The following TPCN1 variants were observed in gnomAD, a reference collection of about 807,000 sequenced individuals.
TPCN1 encodes the protein two pore segment channel 1.
A neutral mutation model predicts 108.8 loss-of-function variants in TPCN1; 52 were observed. That is an observed-to-expected ratio of 0.48 (90% CI 0.38 to 0.60). The LOEUF (loss-of-function observed/expected upper bound fraction) is 0.60. Among genes scored for constraint, TPCN1 ranks in the 20% least tolerant of loss-of-function variants. The pLI is 0.00. For synonymous variants in TPCN1, 446 were observed against 433.7 expected, an observed-to-expected ratio of 1.03 and a Z score of -0.35; for missense variants, 806 against 1,072.8, an observed-to-expected ratio of 0.75 and a Z score of 3.47.
At chr12:113,281,158 A>T (rs896554597) in intron 15 of TPCN1, among the ~76,000 whole-genome samples, 1 of 151,754 alleles carries the variant, frequency 6.6e-6, no homozygotes, top group Non-Finnish European at 1.5e-5. Context: ...CTCCTGTCTC[A>T]CTCACCTGAG....
chr12:113,286,721 A>C (rs879161048), intron 18 of TPCN1, among the ~76,000 whole-genome samples: 1 of 152,152 alleles, frequency 6.6e-6, no homozygotes, highest in Non-Finnish European at 1.5e-5. Flanking sequence ...TTAGACCAGC[A>C]TGGGGCCCTT....
intron 2 of TPCN1, among the ~76,000 whole-genome samples, chr12:113,233,543 G>A (rs964523446): frequency 1.3e-5 from 2 of 152,264 alleles, no homozygotes; most frequent in African/African-American, 4.8e-5. Context: ...TGCTCCAGGA[G>A]CCCTGGGTGG....
At chr12:113,275,577 CTTT>C (rs527980636) in intron 10 of TPCN1, among the ~76,000 whole-genome samples, 1 of 140,222 alleles carries the variant, frequency 7.1e-6, no homozygotes, top group Non-Finnish European at 1.6e-5. Flanking sequence ...AAAATATTTC[CTTT>C]TTTTTTTTTT....
chr12:113,247,879 A>G (rs1954461735), intron 2 of TPCN1, among the ~76,000 whole-genome samples: 1 of 152,104 alleles, frequency 6.6e-6, no homozygotes, highest in African/African-American at 2.4e-5. Flanking sequence ...GCCTTTTGGG[A>G]CCACATGAGC....
chr12:113,277,123 T>A, intron 11 of TPCN1, 88 bp downstream of exon 11: 1 of 1,598,930 alleles, frequency 6.3e-7, no homozygotes, highest in South Asian at 1.1e-5. Flanking sequence ...GCCAGCCACT[T>A]TAGAAACCAG....
chr12:113,236,024 C>T (rs375501842), intron 2 of TPCN1, among the ~76,000 whole-genome samples: 2 of 152,304 alleles, frequency 1.3e-5, no homozygotes, highest in African/African-American at 4.8e-5. Flanking sequence ...GTCTCCTTGC[C>T]TGCACTCCTA....
rs1279988781 is a variant in TPCN1, at chr12:113,266,551, GTC to G, written c.414+201_414+202del. On this transcript the variant is annotated intron_variant, in intron 4 of 27. Coordinates refer to ENST00000335509, the MANE Select transcript of TPCN1 (RefSeq NM_017901.6). The surrounding 1 kb of genome is among the most constrained non-coding windows in gnomAD (Gnocchi z 4.2). ...TGCTGGAGTGAATGGCCTTCACCCA[GTC>G]TCTCTGGGATTCTGCCCACCAGTAA... Among the ~76,000 whole-genome samples the G allele has an allele frequency of 6.6e-6, 1 of 152,222 alleles. No homozygotes were observed. The highest frequency in any genetic ancestry group is 1.5e-5 in the Non-Finnish European group (1 of 68,030).
At chr12:113,278,691 A>C in intron 13 of TPCN1, 81 bp from the exon 14 acceptor site, 1 of 1,176,978 alleles carries the variant, frequency 8.5e-7, no homozygotes, top group East Asian at 2.3e-5. Flanking sequence ...GTGAACAGGA[A>C]AGGAAGCCAG....
rs773151022 is a variant in TPCN1 at position 113,277,284 on chromosome 12, C to T, written c.1104C>T (p.Arg368=). The change falls in exon 12 of 28, where the codon CGC becomes CGT. Residue 368 remains arginine (R), a synonymous_variant. Coordinates refer to ENST00000335509, the MANE Select transcript of TPCN1 (RefSeq NM_017901.6). ...ISYRQFEGLM[R]FYKPRMSARE... Reference sequence around the variant, plus strand: ...ACAGGCAGTTTGAAGGCCTCATGCGCTTCTACAAGCCCCGGATGAGTGCCA... The same window carrying T: ...ACAGGCAGTTTGAAGGCCTCATGCGTTTCTACAAGCCCCGGATGAGTGCCA... The T allele has an allele frequency of 6.2e-7, 1 of 1,614,140 alleles. No homozygotes were observed. The highest frequency in any genetic ancestry group is 8.5e-7 in the Non-Finnish European group (1 of 1,179,998).
chr12:113,266,379 C>T lies in TPCN1; in HGVS notation c.414+23C>T, dbSNP rs372335512. 74 of 1,599,120 alleles carry T rather than the reference C, an allele frequency of 4.6e-5. No homozygotes were observed. Among genetic ancestry groups the T allele is most frequent in the Middle Eastern group, 1.7e-4 (1 of 6,052 alleles). On this transcript the variant is annotated intron_variant, in intron 4 of 27. Coordinates refer to ENST00000335509, the MANE Select transcript of TPCN1 (RefSeq NM_017901.6). This position sits in a 1 kb window ranked among gnomAD's most constrained non-coding sequence, Gnocchi z 4.2. ...TATGTGAGCGCACATGCTCCTCATA[C>T]GGGGGGCTGGGAGCCACGGCTTTCA...
At chr12:113,230,267 C>T (rs1367611195) in intron 2 of TPCN1, among the ~76,000 whole-genome samples, 1 of 151,314 alleles carries the variant, frequency 6.6e-6, no homozygotes, top group Non-Finnish European at 1.5e-5. Flanking sequence ...CCTACTAGGC[C>T]CTGAGATCCA....
chr12:113,225,763 C>T (rs1953447410), intron 1 of TPCN1, among the ~76,000 whole-genome samples: 1 of 151,898 alleles, frequency 6.6e-6, no homozygotes, highest in Non-Finnish European at 1.5e-5. Context: ...ACCATGTTGG[C>T]CAGGCTGCTC....
chr12:113,281,036 T>C (rs1365760732), intron 15 of TPCN1, among the ~76,000 whole-genome samples: 1 of 152,050 alleles, frequency 6.6e-6, no homozygotes, highest in African/African-American at 2.4e-5. Flanking sequence ...TCATCAATCT[T>C]ACACGTCTAG....
chr12:113,293,946 T>A (rs1956351217), intron 27 of TPCN1, among the ~76,000 whole-genome samples: 1 of 152,190 alleles, frequency 6.6e-6, no homozygotes. Context: ...CAAGCGATTC[T>A]CCTGCCTCAG....
chr12:113,224,861 C>T (rs185976862), intron 1 of TPCN1, among the ~76,000 whole-genome samples: 1 of 152,248 alleles, frequency 6.6e-6, no homozygotes, highest in African/African-American at 2.4e-5. Flanking sequence ...AGTGATTCTC[C>T]TGCCTCAGCC....
At chr12:113,221,989 C>T (rs1364469397) in intron 1 of TPCN1, among the ~76,000 whole-genome samples, 1 of 152,184 alleles carries the variant, frequency 6.6e-6, no homozygotes, top group African/African-American at 2.4e-5. Flanking sequence ...CAGGCTGCCC[C>T]AGCGGACAGC....
chr12:113,285,635 C>T (rs541111981), intron 17 of TPCN1, among the ~76,000 whole-genome samples: 1 of 152,360 alleles, frequency 6.6e-6, no homozygotes, highest in South Asian at 2.1e-4. Flanking sequence ...CTTGGCTTCC[C>T]AAAGTGCTGG....
rs779102699 is a variant in TPCN1 at position 113,277,012 on chromosome 12, TA to T, written c.1037del (p.Tyr346SerfsTer29). On this transcript the variant is annotated frameshift_variant, in exon 11 of 28. Transcript: ENST00000335509. LOFTEE classifies it high-confidence loss of function. ...CAAGCGAACCGCTATCCAGCATGCC[TA>T]CCGCCTGCTCATCAGCCAGAGGGTA... ...LHKRTAIQHA[Y>X]RLLISQRRPA... is the part of the protein sequence containing the mutation. The T allele has an allele frequency of 6.2e-7, 1 of 1,613,520 alleles. No homozygotes were observed. Among genetic ancestry groups the T allele is most frequent in the East Asian group, 2.2e-5 (1 of 44,878 alleles).
At chr12:113,265,573 G>C (rs1354159588) in intron 3 of TPCN1, among the ~76,000 whole-genome samples, 2 of 149,158 alleles carry the variant, frequency 1.3e-5, no homozygotes, top group Non-Finnish European at 3.0e-5. Context: ...TTGAGACCAG[G>C]TCTTGCTCTG....
Sources: allele counts gnomAD v4.1 joint callset (sites outside exome capture counted in the v4.1 genomes callset), GRCh38; gene constraint gnomAD v4.1.1; non-coding constraint Gnocchi (gnomAD v3.1); transcripts MANE v1.5; gene names NCBI Gene and HGNC (gene_info 2026-07-23, HGNC 2026-07-21).